ARID5B: variants seen among roughly 807,000 people sequenced by gnomAD.
ARID5B encodes AT-rich interactive domain-containing protein 5B.
In ARID5B, 13 loss-of-function variants were observed where a neutral mutation model predicts 97.2. That is an observed-to-expected ratio of 0.13 (90% CI 0.09 to 0.21). The LOEUF (loss-of-function observed/expected upper bound fraction) is 0.21. Among genes scored for constraint, ARID5B ranks in the 10% least tolerant of loss-of-function variants. ARID5B has a pLI of 1.00. For missense variants in ARID5B, 1,210 were observed against 1,465.3 expected, an observed-to-expected ratio of 0.83 and a Z score of 2.84; for synonymous variants, 556 against 570.3, an observed-to-expected ratio of 0.97 and a Z score of 0.36.
At chr10:62,066,008 C>T (rs1407665720) in intron 7 of ARID5B, among the ~76,000 whole-genome samples, 2 of 152,078 alleles carry the variant, frequency 1.3e-5, no homozygotes, top group Non-Finnish European at 2.9e-5. Flanking sequence ...TCAAATTTTC[C>T]AGCTGATTGA....
chr10:62,084,410 A>G (rs535721662), intron 8 of ARID5B, among the ~76,000 whole-genome samples: 1 of 152,364 alleles, frequency 6.6e-6, no homozygotes, highest in Admixed American at 6.5e-5. Context: ...TATCCAGACC[A>G]AGGAAGTTTT....
intron 3 of ARID5B, among the ~76,000 whole-genome samples, chr10:61,964,962 C>T (rs182190886): frequency 6.6e-6 from 1 of 152,222 alleles, no homozygotes; most frequent in African/African-American, 2.4e-5. Flanking sequence ...CCGCTAATGC[C>T]CAACAATAAT....
At chr10:61,972,123 A>G (rs1838636054) in intron 3 of ARID5B, among the ~76,000 whole-genome samples, 1 of 152,088 alleles carries the variant, frequency 6.6e-6, no homozygotes, top group South Asian at 2.1e-4. Context: ...CCATACTGAG[A>G]TAACTAGTGT....
chr10:61,965,251 A>G (rs1838528529), intron 3 of ARID5B, among the ~76,000 whole-genome samples: 1 of 152,176 alleles, frequency 6.6e-6, no homozygotes, highest in Non-Finnish European at 1.5e-5. Flanking sequence ...GTATGTTCAG[A>G]GTTATATATT....
chr10:61,949,641 C>A (rs1228907737), intron 3 of ARID5B, among the ~76,000 whole-genome samples: 1 of 152,012 alleles, frequency 6.6e-6, no homozygotes, highest in African/African-American at 2.4e-5. Flanking sequence ...TTGTCCACAC[C>A]ACCCCCCCAC....
chr10:62,066,446 T>C (rs1433630572), intron 7 of ARID5B, among the ~76,000 whole-genome samples: 1 of 152,190 alleles, frequency 6.6e-6, no homozygotes, highest in Non-Finnish European at 1.5e-5. Context: ...ATCCAGGCCA[T>C]TCAGTGGAAG....
intron 4 of ARID5B, among the ~76,000 whole-genome samples, chr10:62,013,154 A>G (rs1401450197): frequency 6.6e-6 from 1 of 152,194 alleles, no homozygotes; most frequent in Non-Finnish European, 1.5e-5. Flanking sequence ...CACAACAGGA[A>G]AAAATTTTCT....
intron 3 of ARID5B, among the ~76,000 whole-genome samples, chr10:61,962,947 T>C (rs1009904770): frequency 6.6e-6 from 1 of 152,222 alleles, no homozygotes; most frequent in African/African-American, 2.4e-5. Context: ...TTAATGTTAG[T>C]AGAAACTTAA....
chr10:61,915,746 T>A (rs925240616), intron 2 of ARID5B, among the ~76,000 whole-genome samples: 1 of 152,174 alleles, frequency 6.6e-6, no homozygotes, highest in African/African-American at 2.4e-5. Flanking sequence ...TGTCTTTGTT[T>A]GTTTGTTTTT....
chr10:62,000,416 A>C lies in ARID5B; in HGVS notation c.733+95A>C. On this transcript the variant is annotated intron_variant, in intron 4 of 9. Coordinates refer to ENST00000279873, the MANE Select transcript of ARID5B (RefSeq NM_032199.3). The surrounding 1 kb of genome is among the most constrained non-coding windows in gnomAD (Gnocchi z 4.4). ...AGAGCGGTGATGGGGAACGGGGCTC[A>C]CTTTCACAAGCCCCATGTGCTGCCC... 8.4e-7 allele frequency: 1 copy of C among 1,186,384 alleles called. No individual in the cohort carries two copies. Among genetic ancestry groups the C allele is most frequent in the Non-Finnish European group, 1.2e-6 (1 of 852,866 alleles). The allele number at this position is 1,186,384 out of a possible 1,614,324, so 73.5% of individuals were successfully genotyped here.
chr10:61,934,426 T>C (rs985879332), intron 2 of ARID5B, among the ~76,000 whole-genome samples: 4 of 152,226 alleles, frequency 2.6e-5, no homozygotes, highest in African/African-American at 9.6e-5. Flanking sequence ...TTTCAGCCTC[T>C]CTTGGGTTTT....
At chr10:62,038,978 A>T (rs894618852) in intron 4 of ARID5B, among the ~76,000 whole-genome samples, 1 of 152,238 alleles carries the variant, frequency 6.6e-6, no homozygotes, top group Non-Finnish European at 1.5e-5. Flanking sequence ...CTAACAGCGA[A>T]TAATGATCCA....
intron 4 of ARID5B, among the ~76,000 whole-genome samples, chr10:62,030,572 G>A (rs1217843673): frequency 2.0e-5 from 3 of 152,204 alleles, no homozygotes; most frequent in African/African-American, 7.2e-5. Flanking sequence ...GAAGATGGAA[G>A]ATCTAAGACA....
intron 4 of ARID5B, among the ~76,000 whole-genome samples, chr10:62,034,268 G>A (rs1195178920): frequency 6.6e-6 from 1 of 152,162 alleles, no homozygotes; most frequent in African/African-American, 2.4e-5. Flanking sequence ...AGTTATATAA[G>A]GTTTTGGAAG....
At chr10:62,033,310 C>T (rs1839520949) in intron 4 of ARID5B, among the ~76,000 whole-genome samples, 1 of 152,198 alleles carries the variant, frequency 6.6e-6, no homozygotes, top group Non-Finnish European at 1.5e-5. Flanking sequence ...TGCACTGTCT[C>T]TCATCCTGTT....
intron 2 of ARID5B, among the ~76,000 whole-genome samples, chr10:61,929,775 C>T (rs576214442): frequency 2.6e-4 from 40 of 152,278 alleles, no homozygotes; most frequent in African/African-American, 8.2e-4. Flanking sequence ...AATTTGGTCA[C>T]GTGACTGCAC....
At chr10:62,039,851 G>A (rs1839612477) in intron 4 of ARID5B, among the ~76,000 whole-genome samples, 1 of 152,212 alleles carries the variant, frequency 6.6e-6, no homozygotes, top group Admixed American at 6.5e-5. Context: ...AAGCAGGTTG[G>A]CAAAGCCAAT....
intron 3 of ARID5B, among the ~76,000 whole-genome samples, chr10:61,993,725 T>G (rs547157320): frequency 6.6e-6 from 1 of 152,320 alleles, no homozygotes; most frequent in East Asian, 1.9e-4. Flanking sequence ...AAATGGAAAC[T>G]TCAATATAAT....
At chr10:61,902,041 T>C (rs900154560) in intron 1 of ARID5B, 118 bp from the exon 2 acceptor site, 5 of 1,193,238 alleles carry the variant, frequency 4.2e-6, no homozygotes, top group Non-Finnish European at 5.9e-6. Flanking sequence ...CCCAGCGTTA[T>C]ATCTGTTGGG....
Sources: allele counts gnomAD v4.1 joint callset (sites outside exome capture counted in the v4.1 genomes callset), GRCh38; gene constraint gnomAD v4.1.1; non-coding constraint Gnocchi (gnomAD v3.1); transcripts MANE v1.5; gene names NCBI Gene and HGNC (gene_info 2026-07-23, HGNC 2026-07-21).